Variants in CEP112 observed in about 807,000 individuals in gnomAD.
The protein encoded by CEP112 is centrosomal protein of 112 kDa.
CEP112 carries 127 observed loss-of-function variants against 153.0 expected under a neutral mutation model. That is an observed-to-expected ratio of 0.83 (90% CI 0.72 to 0.96). The LOEUF is 0.96. Ranked by LOEUF, CEP112 falls within the 40% of genes least tolerant of loss-of-function variation. The pLI is 0.00. For synonymous variants in CEP112, 358 were observed against 374.4 expected (o/e 0.96, Z 0.51); for missense variants, 1,089 against 1,101.2 (o/e 0.99, Z 0.16).
intron 24 of CEP112, among the ~76,000 whole-genome samples, chr17:65,659,848 G>A (rs2046255625): frequency 6.6e-6 from 1 of 152,202 alleles, no homozygotes; most frequent in African/African-American, 2.4e-5. Flanking sequence ...TAACTCCTAT[G>A]TGGGATAATG....
chr17:65,696,608 G>A (rs1256641835), intron 23 of CEP112, among the ~76,000 whole-genome samples: 1 of 152,062 alleles, frequency 6.6e-6, no homozygotes, highest in Non-Finnish European at 1.5e-5. Flanking sequence ...GGGGACTTGC[G>A]AGCTGCAAGC....
intron 17 of CEP112, among the ~76,000 whole-genome samples, chr17:65,992,504 T>A (rs948366697): frequency 5.9e-5 from 9 of 152,164 alleles, no homozygotes; most frequent in Non-Finnish European, 8.8e-5. Flanking sequence ...TTCTTCCCTT[T>A]GGTCTCAAAC....
At chr17:65,715,283 C>T (rs542978282) in intron 23 of CEP112, among the ~76,000 whole-genome samples, 1 of 152,100 alleles carries the variant, frequency 6.6e-6, no homozygotes, top group East Asian at 1.9e-4. Context: ...GTCAGGTGCT[C>T]AGTCGGGATT....
intron 24 of CEP112, chr17:65,655,377 C>G: frequency 6.4e-7 from 1 of 1,551,212 alleles, no homozygotes; most frequent in Non-Finnish European, 8.9e-7. Flanking sequence ...CGAAAGGAAG[C>G]TCAACTCCAG....
In CEP112 at chr17:66,030,925, C is replaced by T. The variant is rs371998699; in HGVS notation, c.1219-902G>A. Among the ~76,000 whole-genome samples the T allele has an allele frequency of 3.2e-4, 48 of 152,278 alleles. No individual in the cohort carries two copies. The East Asian group carries it at 5.0e-3, about 16-fold the overall frequency. The stretch of plus-strand genomic sequence containing the variant: ...GCAGTTTAAGCATTAGATAATATTA[C>T]AACCCTGACATCCTTTCTTCATCTC... On this transcript the variant is annotated intron_variant, in intron 12 of 26. Coordinates refer to ENST00000535342, the MANE Select transcript of CEP112 (RefSeq NM_001199165.4).
chr17:65,777,862 A>G (rs889972270), intron 21 of CEP112, among the ~76,000 whole-genome samples: 1 of 152,198 alleles, frequency 6.6e-6, no homozygotes, highest in Non-Finnish European at 1.5e-5. Context: ...CACTGTACCT[A>G]TGACACACTG....
intron 21 of CEP112, among the ~76,000 whole-genome samples, chr17:65,757,257 C>T (rs894964289): frequency 2.0e-5 from 3 of 152,146 alleles, no homozygotes; most frequent in African/African-American, 7.2e-5. Flanking sequence ...CCAGCTACTA[C>T]AGGGTGGGAC....
At position 66,110,704 on chromosome 17, in the gene CEP112, A is replaced by C. The variant is rs1212105145; in HGVS notation, c.643-14072T>G. On this transcript the variant is annotated intron_variant, in intron 6 of 26. Coordinates refer to ENST00000535342, the MANE Select transcript of CEP112 (RefSeq NM_001199165.4). ...AAAAAAAAAAGCATAAATACAAAAA[A>C]TCAACTCAAGATGGATTAAAGACTT... Among the ~76,000 whole-genome samples, 4 of 152,164 alleles carry C rather than the reference A, an allele frequency of 2.6e-5. No individual in the cohort carries two copies. The East Asian group carries it at 7.7e-4, about 29-fold the overall frequency.
At chr17:65,715,045 A>G (rs1174562873) in intron 23 of CEP112, among the ~76,000 whole-genome samples, 1 of 152,138 alleles carries the variant, frequency 6.6e-6, no homozygotes, top group East Asian at 1.9e-4. Flanking sequence ...AGAAGTAGTA[A>G]GTGTAAAGTG....
intron 24 of CEP112, 69 bp from the exon 25 acceptor site, chr17:65,641,134 C>T: frequency 6.0e-6 from 5 of 833,848 alleles, no homozygotes; most frequent in East Asian, 2.4e-5. Flanking sequence ...TAAGAAGTCC[C>T]AGAACAGATC....
chr17:65,654,890 C>G (rs1598211102), intron 24 of CEP112: 1 of 537,078 alleles, frequency 1.9e-6, no homozygotes. Context: ...TGGGGTCGTA[C>G]CATGGCAGCA....
chr17:65,748,497 T>A (rs1325450404), intron 22 of CEP112, among the ~76,000 whole-genome samples: 1 of 152,216 alleles, frequency 6.6e-6, no homozygotes, highest in Admixed American at 6.5e-5. Flanking sequence ...CTTCCAAACC[T>A]TTTTTCATTC....
intron 10 of CEP112, among the ~76,000 whole-genome samples, chr17:66,064,299 G>A (rs961599895): frequency 3.3e-5 from 5 of 152,122 alleles, no homozygotes; most frequent in South Asian, 2.1e-4. Context: ...GTTGCTGCTA[G>A]ATACTTTTAA....
intron 17 of CEP112, among the ~76,000 whole-genome samples, chr17:65,971,474 T>G (rs925765704): frequency 1.8e-5 from 2 of 110,402 alleles, no homozygotes; most frequent in Admixed American, 2.3e-4. Flanking sequence ...ACATGTATCA[T>G]GCATGTATGA....
chr17:65,941,006 A>T (rs900097496), intron 18 of CEP112, among the ~76,000 whole-genome samples: 1 of 152,126 alleles, frequency 6.6e-6, no homozygotes, highest in Non-Finnish European at 1.5e-5. Context: ...GTATCTCATA[A>T]ATATATACAA....
At chr17:66,083,048 T>C (rs2067784291) in intron 8 of CEP112, among the ~76,000 whole-genome samples, 1 of 152,152 alleles carries the variant, frequency 6.6e-6, no homozygotes, top group East Asian at 1.9e-4. Context: ...CAAAATTAAA[T>C]ACTTTAATAA....
At position 65,974,028 on chromosome 17, in the gene CEP112, A is replaced by G. The variant is rs531315909; in HGVS notation, c.1737-12430T>C. Among the ~76,000 whole-genome samples the G allele has an allele frequency of 1.1e-4, 16 of 152,280 alleles. No individual in the cohort carries two copies. In the South Asian group the frequency reaches 1.2e-3, roughly 12 times the overall value. Reference sequence around the variant, plus strand: ...ACCTACCAGATTTACAAAAATGTTTAAATTGTAACAACATTCTACTTGGGA... The same window carrying G: ...ACCTACCAGATTTACAAAAATGTTTGAATTGTAACAACATTCTACTTGGGA... On this transcript the variant is annotated intron_variant, in intron 17 of 26. Transcript: ENST00000535342.
intron 20 of CEP112, among the ~76,000 whole-genome samples, chr17:65,901,339 T>A (rs1488106783): frequency 6.6e-6 from 1 of 152,232 alleles, no homozygotes; most frequent in Admixed American, 6.5e-5. Flanking sequence ...TCAATTGCTC[T>A]TAAATTTTTC....
At chr17:66,072,132 CTATATA>C (rs2067327631) in intron 8 of CEP112, among the ~76,000 whole-genome samples, 1 of 152,040 alleles carries the variant, frequency 6.6e-6, no homozygotes, top group Non-Finnish European at 1.5e-5. Flanking sequence ...ATCTACCTCT[CTATATA>C]TATAAATGCA....
Sources: gnomAD v4.1 joint callset for allele counts (sites outside exome capture counted in the v4.1 genomes callset) on GRCh38, gnomAD v4.1.1 for gene constraint, MANE v1.5 for transcripts, NCBI Gene and HGNC (gene_info 2026-07-23, HGNC 2026-07-21) for gene names.